Variants in ABCA6 observed in about 807,000 individuals in gnomAD.
ABCA6 encodes ATP-binding cassette sub-family A member 6.
In ABCA6, 164 loss-of-function variants were observed where a neutral mutation model predicts 191.2. That is an observed-to-expected ratio of 0.86 (90% CI 0.76 to 0.98). ABCA6 has a LOEUF of 0.98. Ranked by LOEUF, ABCA6 falls within the 50% of genes least tolerant of loss-of-function variation. ABCA6 has a pLI of 0.00. For synonymous variants in ABCA6, 636 were observed against 647.7 expected (o/e 0.98, Z 0.27); for missense variants, 1,958 against 1,894.1 (o/e 1.03, Z -0.63).
chr17:69,102,907 A>T lies in ABCA6; in HGVS notation c.2802T>A (p.Asp934Glu). 1.3e-6 allele frequency: 2 copies of T among 1,592,782 alleles called. No individual in the cohort carries two copies. Among genetic ancestry groups the T allele is most frequent in the Non-Finnish European group, 1.7e-6 (2 of 1,167,152 alleles). The change falls in exon 21 of 39, where the codon GAT (aspartate) becomes GAA (glutamate). Residue 934 changes from aspartate (D) to glutamate (E), a missense_variant. Physicochemically the swap from Asp to Glu is conservative, Grantham distance 45 (BLOSUM62 2). Transcript: ENST00000284425. ...LKHQNILLEV[D>E]DFENRNGTDG... ...CAGTACCATTTCTGTTTTCAAAGTC[A>T]TCTACTTCCAAAAGTATATTTTGAT...
chr17:69,092,117 A>G (rs1051011353), intron 25 of ABCA6, among the ~76,000 whole-genome samples: 1 of 152,048 alleles, frequency 6.6e-6, no homozygotes, highest in Admixed American at 6.6e-5. Context: ...AATTTTTTTT[A>G]CTGGCAAATG....
chr17:69,099,537 C>T (rs776359510), intron 22 of ABCA6: 6 of 154,040 alleles, frequency 3.9e-5, no homozygotes, highest in Admixed American at 2.0e-4. Flanking sequence ...AGATGGAAAC[C>T]TCAGTAGCTG....
chr17:69,136,514 G>A (rs576320398), intron 3 of ABCA6, among the ~76,000 whole-genome samples: 23 of 152,232 alleles, frequency 1.5e-4, no homozygotes, highest in Non-Finnish European at 2.9e-4. Context: ...AAAAAATTGT[G>A]CCAAATTAAG....
chr17:69,132,122 T>C (rs2073874322), intron 6 of ABCA6, among the ~76,000 whole-genome samples: 1 of 152,132 alleles, frequency 6.6e-6, no homozygotes. Flanking sequence ...TATAGAAAAT[T>C]AAAAATTTAC....
At chr17:69,107,399 C>T (rs565838157) in intron 18 of ABCA6, among the ~76,000 whole-genome samples, 1 of 152,136 alleles carries the variant, frequency 6.6e-6, no homozygotes, top group South Asian at 2.1e-4. Flanking sequence ...AAAATATATT[C>T]AGACCTCATT....
intron 20 of ABCA6, 184 bp downstream of exon 20, chr17:69,105,278 C>T (rs1021030101): frequency 3.8e-5 from 23 of 600,764 alleles, no homozygotes; most frequent in Admixed American, 1.5e-4. Flanking sequence ...TTCTCTTGTC[C>T]TCATCATCCC....
chr17:69,082,448 T>C (rs931621853), intron 36 of ABCA6, among the ~76,000 whole-genome samples: 4 of 152,096 alleles, frequency 2.6e-5, no homozygotes, highest in African/African-American at 9.7e-5. Context: ...AAAGAAAGAC[T>C]CTTTGATTAT....
chr17:69,129,338 G>T (rs2073817698), intron 7 of ABCA6, among the ~76,000 whole-genome samples: 1 of 152,116 alleles, frequency 6.6e-6, no homozygotes, highest in Non-Finnish European at 1.5e-5. Flanking sequence ...ATACAGAAAA[G>T]ACTTTGATAT....
At position 69,083,505 on chromosome 17, in the gene ABCA6, C is replaced by T. The variant is rs115127088; in HGVS notation, c.4356-174G>A. ...ACATTTTTAAGTATTTTTAGATGTG[C>T]TAATCATATTGTAGTTGAGTTATCT... On this transcript the variant is annotated intron_variant, in intron 34 of 38. Coordinates refer to ENST00000284425, the MANE Select transcript of ABCA6 (RefSeq NM_080284.3). 1.6e-3 allele frequency among the ~76,000 whole-genome samples: 239 copies of T among 152,184 alleles called. 2 individuals carry two copies. The highest frequency in any genetic ancestry group is 5.5e-3 in the African/African-American group (227 of 41,522).
At chr17:69,134,883 G>GTTTTATTTTTTT in intron 4 of ABCA6, 141 bp from the exon 5 acceptor site, 1 of 184,990 alleles carries the variant, frequency 5.4e-6, no homozygotes, top group Non-Finnish European at 8.6e-6. Flanking sequence ...TTTTGTTGTG[G>GTTTTATTTTTTT]TTGTCTTTTT....
chr17:69,124,953 GA>G lies in ABCA6; in HGVS notation c.1201del (p.Ser401LeufsTer35). 1.3e-6 allele frequency: 2 copies of G among 1,572,066 alleles called. No individual in the cohort carries two copies. The highest frequency in any genetic ancestry group is 1.8e-5 in the Admixed American group (1 of 55,958). ...GATGAGACCATCCAAAAGCAACATA[GA>G]AAAAGTTGCTATCATTGTATATGAG... is the stretch of plus-strand genomic sequence containing the variant. ...GDSYTMIATFSMLLLDGLIYL... is the reference protein window; with the variant it reads ...GDSYTMIATFXMLLLDGLIYL... On this transcript the variant is annotated frameshift_variant, in exon 9 of 39. Transcript: ENST00000284425. LOFTEE classifies it high-confidence loss of function.
rs750668985 is a variant in ABCA6 at position 69,084,413 on chromosome 17, C to A, written c.4260+19G>T. 6.2e-7 allele frequency: 1 copy of A among 1,614,014 alleles called. No individual in the cohort carries two copies. The highest frequency in any genetic ancestry group is 1.7e-5 in the Admixed American group (1 of 60,004). On this transcript the variant is annotated intron_variant, in intron 33 of 38. Transcript: ENST00000284425. ...CATACCACACCAGCTCTCCATAGAGCATCACACACCGCACGTACCTTTCTC... is the reference window on the plus strand; with the variant it reads ...CATACCACACCAGCTCTCCATAGAGAATCACACACCGCACGTACCTTTCTC...
chr17:69,110,873 C>T lies in ABCA6; in HGVS notation c.2200G>A (p.Ala734Thr). The T allele has an allele frequency of 6.2e-7, 1 of 1,612,002 alleles. No homozygotes were observed. The highest frequency in any genetic ancestry group is 8.5e-7 in the Non-Finnish European group (1 of 1,178,956). ...TSFITHHIPD[A>T]KLKTENKEKL... ...TCTTTGTTTTCTGTTTTTAATTTAGCATCGGGGATGTGATGAGTAATGAAG... is the reference window on the plus strand; with the variant it reads ...TCTTTGTTTTCTGTTTTTAATTTAGTATCGGGGATGTGATGAGTAATGAAG... Residue 734 changes from alanine to threonine, a missense_variant, in exon 17 of 39, where the codon GCT becomes ACT. Physicochemically the swap from Ala to Thr is moderately conservative, Grantham distance 58. Transcript: ENST00000284425.
At chr17:69,080,307 T>C (rs2072598576) in intron 37 of ABCA6, among the ~76,000 whole-genome samples, 1 of 152,026 alleles carries the variant, frequency 6.6e-6, no homozygotes, top group Non-Finnish European at 1.5e-5. Flanking sequence ...CATCTAGATA[T>C]GCAGGGATTG....
intron 17 of ABCA6, chr17:69,108,666 C>T (rs2073355765): frequency 6.6e-6 from 1 of 152,116 alleles, no homozygotes; most frequent in Non-Finnish European, 1.5e-5. Flanking sequence ...CTAGAAGACT[C>T]TTAGATGCTA....
chr17:69,088,498 T>A (rs935681837), intron 27 of ABCA6, among the ~76,000 whole-genome samples: 1 of 152,158 alleles, frequency 6.6e-6, no homozygotes, highest in Non-Finnish European at 1.5e-5. Flanking sequence ...AAATTATCCA[T>A]AACCCAATTA....
At chr17:69,119,473 T>G (rs1467820292) in intron 10 of ABCA6, among the ~76,000 whole-genome samples, 2 of 152,058 alleles carry the variant, frequency 1.3e-5, no homozygotes, top group Admixed American at 6.6e-5. Flanking sequence ...TTTATTCCCC[T>G]AGAATCCATG....
In ABCA6 at chr17:69,079,356, T is replaced by C. The variant is rs572182206; in HGVS notation, c.4697-91A>G. 2.2e-3 allele frequency: 2,188 copies of C among 981,862 alleles called. 6 individuals are homozygous for C. Among genetic ancestry groups the C allele is most frequent in the Non-Finnish European group, 2.4e-3 (1,622 of 673,328 alleles). 60.8% of individuals were successfully genotyped at this position (981,862 alleles called of 1,614,324 possible). A position where few individuals can be genotyped will look rare whatever the true frequency, so the allele number is the denominator to read the frequency against. ...AAATCATAAAGAATAAAAATGTAAA[T>C]CATTAATATAAATAAAGCTGAATAA... On this transcript the variant is annotated intron_variant, in intron 37 of 38. Coordinates refer to ENST00000284425, the MANE Select transcript of ABCA6 (RefSeq NM_080284.3).
chr17:69,094,196 G>GTGGTTC (rs377694837), intron 25 of ABCA6: 2 of 152,338 alleles, frequency 1.3e-5, no homozygotes, highest in Non-Finnish European at 2.9e-5. Flanking sequence ...AGCCTAAGAA[G>GTGGTTC]TGGTTCTGCA....
Sources: allele counts gnomAD v4.1 joint callset (sites outside exome capture counted in the v4.1 genomes callset), GRCh38; gene constraint gnomAD v4.1.1; transcripts MANE v1.5; gene names NCBI Gene and HGNC (gene_info 2026-07-23, HGNC 2026-07-21).